The following CDH11 variants were observed in gnomAD, a reference collection of about 807,000 sequenced individuals.
CDH11 encodes cadherin 11.
In CDH11, 11 loss-of-function variants were observed where a neutral mutation model predicts 67.8. The ratio of observed to expected loss-of-function variants is 0.16; its 90% CI spans 0.10 to 0.27. The LOEUF (loss-of-function observed/expected upper bound fraction) is 0.27. Among genes scored for constraint, CDH11 ranks in the 10% least tolerant of loss-of-function variants. The probability of loss-of-function intolerance (pLI) is 1.00; values close to 1 mark genes in which losing one functional copy is unlikely to be tolerated. For missense variants in CDH11, 847 were observed against 1,031.2 expected (o/e 0.82, Z 2.45); for synonymous variants, 419 against 400.0 (o/e 1.05, Z -0.57).
Position 64,944,287 on chromosome 16 carries a change from C to G in CDH11, c.*3316G>C. ...AAGAGGTGGGGTCAGTCTTCCGGGT[C>G]AGAGATGACCATGGCCCAGACCAGG... On this transcript the variant is annotated 3_prime_UTR_variant, in exon 13 of 13. Transcript: ENST00000268603. 4.3e-6 allele frequency: 1 copy of G among 233,058 alleles called. No homozygotes were observed. The highest frequency in any genetic ancestry group is 8.5e-6 in the Non-Finnish European group (1 of 117,996). 14.4% of individuals were successfully genotyped at this position (233,058 alleles called of 1,614,324 possible).
chr16:65,033,629 C>T (rs1214741177), intron 2 of CDH11, among the ~76,000 whole-genome samples: 1 of 151,588 alleles, frequency 6.6e-6, no homozygotes, highest in Non-Finnish European at 1.5e-5. Flanking sequence ...CCCAGCTACT[C>T]GGGAGGCTGA....
At chr16:65,089,575 T>G (rs1449060966) in intron 1 of CDH11, among the ~76,000 whole-genome samples, 1 of 152,196 alleles carries the variant, frequency 6.6e-6, no homozygotes, top group Non-Finnish European at 1.5e-5. Flanking sequence ...GTGTAACTGC[T>G]AGTTATCAGC....
At chr16:65,106,827 T>C (rs904768568) in intron 1 of CDH11, among the ~76,000 whole-genome samples, 3 of 151,816 alleles carry the variant, frequency 2.0e-5, no homozygotes, top group African/African-American at 7.3e-5. Context: ...GCCTAACACA[T>C]CTTTTTAAAT....
rs145342305 is a variant in CDH11 at position 65,112,833 on chromosome 16, C to T, written c.-298+9047G>A. 4.0e-3 allele frequency among the ~76,000 whole-genome samples: 609 copies of T among 152,256 alleles called. 6 individuals carry two copies. The highest frequency in any genetic ancestry group is 0.014 in the African/African-American group (578 of 41,552). On this transcript the variant is annotated intron_variant, in intron 1 of 12. Coordinates refer to ENST00000268603, the MANE Select transcript of CDH11 (RefSeq NM_001797.4). ...GTATGAAATGACACTGGACTGATCA[C>T]GAACTTCCAAATAAGAGATTCATTT... is the stretch of plus-strand genomic sequence containing the variant.
At chr16:64,962,682 G>T (rs1313720002) in intron 11 of CDH11, among the ~76,000 whole-genome samples, 1 of 152,134 alleles carries the variant, frequency 6.6e-6, no homozygotes, top group Non-Finnish European at 1.5e-5. Flanking sequence ...ATCAGTAGGA[G>T]GAGGGAAAAA....
At chr16:65,122,110 T>TG, upstream of CDH11, 2 of 66,686 alleles carry the variant, frequency 3.0e-5, no homozygotes, top group Non-Finnish European at 2.8e-5. Context: ...CGGGGGGAGG[T>TG]GGCGGGCGGG....
intron 11 of CDH11, among the ~76,000 whole-genome samples, chr16:64,952,258 G>A (rs1461928865): frequency 6.6e-6 from 1 of 152,162 alleles, no homozygotes; most frequent in Non-Finnish European, 1.5e-5. Flanking sequence ...CCACCACACT[G>A]TATATTTGTA....
At chr16:65,028,622 TA>T (rs1403918495) in intron 2 of CDH11, among the ~76,000 whole-genome samples, 7 of 152,178 alleles carry the variant, frequency 4.6e-5, no homozygotes, top group African/African-American at 1.4e-4. Context: ...AAGACGCAGC[TA>T]AATCCTACTT....
intron 11 of CDH11, among the ~76,000 whole-genome samples, chr16:64,952,359 T>G (rs1434934728): frequency 6.6e-6 from 1 of 152,150 alleles, no homozygotes; most frequent in East Asian, 1.9e-4. Context: ...AATAGGGGAT[T>G]TTTGTCTGAT....
chr16:65,104,927 TTTG>T (rs1367585139), intron 1 of CDH11, among the ~76,000 whole-genome samples: 1 of 152,206 alleles, frequency 6.6e-6, no homozygotes, highest in African/African-American at 2.4e-5. Flanking sequence ...GAATTAAATA[TTTG>T]GGGGAAATAC....
At chr16:65,086,527 C>A (rs1597176568) in intron 1 of CDH11, among the ~76,000 whole-genome samples, 1 of 152,178 alleles carries the variant, frequency 6.6e-6, no homozygotes, top group Non-Finnish European at 1.5e-5. Context: ...TATGAAGGCA[C>A]CTTCCTGTAA....
chr16:64,948,764 G>A, intron 12 of CDH11: 1 of 1,601,006 alleles, frequency 6.2e-7, no homozygotes, highest in Non-Finnish European at 8.5e-7. Context: ...CTGGGAGAGG[G>A]GGGTTCCATT....
At chr16:65,031,657 C>A (rs903689065) in intron 2 of CDH11, among the ~76,000 whole-genome samples, 3 of 152,020 alleles carry the variant, frequency 2.0e-5, no homozygotes, top group Admixed American at 2.0e-4. Flanking sequence ...AGGGCTTGCT[C>A]AAGAAAGAGG....
At chr16:65,101,563 C>T (rs1487546408) in intron 1 of CDH11, among the ~76,000 whole-genome samples, 5 of 152,016 alleles carry the variant, frequency 3.3e-5, no homozygotes, top group Non-Finnish European at 1.5e-5. Flanking sequence ...CCCTTCTTCT[C>T]TTCCCTCCCT....
rs1389415973 is a variant in CDH11 at position 64,976,297 on chromosome 16, A to G, written c.1254-3257T>C. 2.6e-5 allele frequency among the ~76,000 whole-genome samples: 4 copies of G among 152,258 alleles called. No individual in the cohort carries two copies. In the East Asian group the frequency reaches 5.8e-4, roughly 22 times the overall value. ...AAAGACTAGTGAAGACATCAGGTAC[A>G]GTGTTATCTGAGGCATAACAGGTTA... On this transcript the variant is annotated intron_variant, in intron 8 of 12. Transcript: ENST00000268603.
chr16:64,993,083 T>C, intron 4 of CDH11, 49 bp from the exon 5 acceptor site: 3 of 1,497,966 alleles, frequency 2.0e-6, no homozygotes, highest in Non-Finnish European at 2.8e-6. Context: ...GATTTTCAAA[T>C]TATGTTCTTG....
intron 2 of CDH11, among the ~76,000 whole-genome samples, chr16:65,034,182 C>T (rs1031729857): frequency 6.6e-6 from 1 of 152,054 alleles, no homozygotes; most frequent in African/African-American, 2.4e-5. Context: ...GAAATGTAGA[C>T]AAAAGGAGGA....
intron 2 of CDH11, among the ~76,000 whole-genome samples, chr16:65,018,793 C>T (rs1032047747): frequency 2.0e-5 from 3 of 152,148 alleles, no homozygotes; most frequent in Non-Finnish European, 4.4e-5. Context: ...GGTACACTTT[C>T]CCAAATTATC....
rs754620937 is a variant in CDH11 at position 64,947,737 on chromosome 16, C to T, written c.2257G>A (p.Gly753Arg). The stretch of plus-strand genomic sequence containing the variant: ...GCCGACTCTAGGGAGCTCAGGGACC[C>T]GGCCACTGAGCCCCTGCCTTCATAA... ...YGYEGRGSVA[G>R]SLSSLESATT... The change falls in exon 13 of 13, where the codon GGG becomes AGG. Residue 753 changes from glycine to arginine, a missense_variant. Coordinates refer to ENST00000268603, the MANE Select transcript of CDH11 (RefSeq NM_001797.4). 14 of 1,614,046 alleles carry T rather than the reference C, an allele frequency of 8.7e-6. No homozygotes were observed. In the East Asian group the frequency reaches 1.8e-4, roughly 21 times the overall value.
Sources: gnomAD v4.1 joint callset for allele counts (sites outside exome capture counted in the v4.1 genomes callset) on GRCh38, gnomAD v4.1.1 for gene constraint, MANE v1.5 for transcripts, NCBI Gene and HGNC (gene_info 2026-07-23, HGNC 2026-07-21) for gene names.